Variants in CD109 observed in about 807,000 individuals in gnomAD.
CD109 encodes the protein CD109 antigen.
Under a neutral mutation model 165.8 loss-of-function variants are expected in CD109, and 149 were observed. That is an observed-to-expected ratio of 0.90 (90% CI 0.79 to 1.03). The LOEUF is 1.03. Ranked by LOEUF, CD109 falls within the 50% of genes least tolerant of loss-of-function variation. CD109 has a pLI of 0.00. For missense variants in CD109, 1,712 were observed against 1,677.8 expected, an observed-to-expected ratio of 1.02 and a Z score of -0.36; for synonymous variants, 585 against 592.1, an observed-to-expected ratio of 0.99 and a Z score of 0.18.
At chr6:73,699,698 C>T (rs934687447) in intron 2 of CD109, among the ~76,000 whole-genome samples, 2 of 152,186 alleles carry the variant, frequency 1.3e-5, no homozygotes, top group African/African-American at 4.8e-5. Context: ...CAAAGCTGTC[C>T]TGGGAGCAGA....
chr6:73,806,475 A>G (rs1003414810), intron 24 of CD109, among the ~76,000 whole-genome samples: 3 of 152,226 alleles, frequency 2.0e-5, no homozygotes, highest in Non-Finnish European at 2.9e-5. Context: ...ACAAACCTGC[A>G]CGTTGTGCAC....
intron 10 of CD109, 91 bp from the exon 11 acceptor site, chr6:73,765,839 G>A: frequency 1.1e-6 from 1 of 935,992 alleles, no homozygotes. Flanking sequence ...ATTTTTGAGA[G>A]TTCAATTTCA....
chr6:73,765,865 C>T (rs1207050451), intron 10 of CD109, 65 bp from the exon 11 acceptor site: 41 of 1,165,862 alleles, frequency 3.5e-5, no homozygotes, highest in South Asian at 1.5e-4. Flanking sequence ...ATACTACAGA[C>T]GGAAACTGTA....
chr6:73,715,129 G>A lies in CD109; in HGVS notation c.248-8122G>A, dbSNP rs1336643942. 2.6e-5 allele frequency among the ~76,000 whole-genome samples: 4 copies of A among 152,126 alleles called. No individual in the cohort carries two copies. The East Asian group carries it at 7.7e-4, about 29-fold the overall frequency. ...CAAAAAATTAGCCAGCTGTGATGGT[G>A]CTTGCCTGTAGTCCCAGCTACATGG... is the stretch of plus-strand genomic sequence containing the variant. On this transcript the variant is annotated intron_variant, in intron 2 of 32. Coordinates refer to ENST00000287097, the MANE Select transcript of CD109 (RefSeq NM_133493.5).
At chr6:73,723,313 A>G in intron 3 of CD109, 34 bp downstream of exon 3, 1 of 1,474,004 alleles carries the variant, frequency 6.8e-7, no homozygotes, top group Non-Finnish European at 9.5e-7. Context: ...GGTTTCAGAA[A>G]TATATTGTAT....
chr6:73,725,504 C>CTTCTTTT (rs747396382), intron 3 of CD109, among the ~76,000 whole-genome samples: 3 of 89,428 alleles, frequency 3.4e-5, no homozygotes, highest in Admixed American at 1.3e-4. Flanking sequence ...TACTACACTT[C>CTTCTTTT]TTTTTTTTTT....
chr6:73,744,316 G>A (rs896218829), intron 5 of CD109, among the ~76,000 whole-genome samples: 15 of 152,202 alleles, frequency 9.9e-5, no homozygotes, highest in African/African-American at 3.6e-4. Flanking sequence ...GAAAGAATGA[G>A]TGAATAGAGC....
chr6:73,763,464 GC>G, intron 9 of CD109, 111 bp from the exon 10 acceptor site: 4 of 584,460 alleles, frequency 6.8e-6, no homozygotes, highest in Non-Finnish European at 1.2e-5. Context: ...AGGCTTATGT[GC>G]CCTGATATTT....
intron 3 of CD109, among the ~76,000 whole-genome samples, chr6:73,724,769 G>A (rs1412251354): frequency 6.6e-6 from 1 of 151,742 alleles, no homozygotes; most frequent in African/African-American, 2.4e-5. Flanking sequence ...ATGCCTGGCT[G>A]ATTTTTTATT....
intron 30 of CD109, among the ~76,000 whole-genome samples, chr6:73,816,374 T>G (rs1775936944): frequency 6.6e-6 from 1 of 152,162 alleles, no homozygotes; most frequent in African/African-American, 2.4e-5. Context: ...TACAAACTTA[T>G]ATGCCAGGCA....
chr6:73,781,835 A>ACACACACACACACACACACACTCAC (rs150665697), intron 17 of CD109, among the ~76,000 whole-genome samples: 2 of 144,422 alleles, frequency 1.4e-5, no homozygotes, highest in African/African-American at 5.3e-5. Context: ...ACACACACAC[A>ACACACACACACACACACACACTCAC]CCCCTCATCA....
chr6:73,728,488 G>A (rs1338734137), intron 3 of CD109, among the ~76,000 whole-genome samples: 1 of 152,090 alleles, frequency 6.6e-6, no homozygotes, highest in East Asian at 1.9e-4. Context: ...GCCACTTAGG[G>A]TCTACCATTA....
intron 2 of CD109, among the ~76,000 whole-genome samples, chr6:73,711,434 G>A (rs1771533751): frequency 6.6e-6 from 1 of 151,820 alleles, no homozygotes; most frequent in Non-Finnish European, 1.5e-5. Context: ...CAGAATACTT[G>A]TGTTTTCTGT....
chr6:73,798,714 G>A lies in CD109; in HGVS notation c.2879-4506G>A, dbSNP rs571020206. Among the ~76,000 whole-genome samples the A allele has an allele frequency of 1.1e-4, 16 of 152,244 alleles. No homozygotes were observed. In the South Asian group the frequency reaches 1.7e-3, roughly 16 times the overall value. On this transcript the variant is annotated intron_variant, in intron 23 of 32. Coordinates refer to ENST00000287097, the MANE Select transcript of CD109 (RefSeq NM_133493.5). ...TGGCTGCCTCTAGTGGAAGAATGGT[G>A]CTAGTTGTTGATATTAATGGGGAAT...
At chr6:73,709,633 A>C (rs955543966) in intron 2 of CD109, among the ~76,000 whole-genome samples, 2 of 152,196 alleles carry the variant, frequency 1.3e-5, no homozygotes, top group African/African-American at 4.8e-5. Flanking sequence ...GCAGAGACAC[A>C]ACAAAAAAAG....
rs138126749 is a variant in CD109 at position 73,748,480 on chromosome 6, G to T, written c.634-8163G>T. 3.7e-4 allele frequency among the ~76,000 whole-genome samples: 56 copies of T among 152,204 alleles called. 1 individual carries two copies. In the East Asian group the frequency reaches 9.5e-3, roughly 26 times the overall value. ...TAATTCACAGCTTTTATCATAATTT[G>T]TAATACATACTCACATATGTGGTTA... On this transcript the variant is annotated intron_variant, in intron 5 of 32. Coordinates refer to ENST00000287097, the MANE Select transcript of CD109 (RefSeq NM_133493.5).
chr6:73,746,687 T>G (rs1269739070), intron 5 of CD109, among the ~76,000 whole-genome samples: 2 of 152,170 alleles, frequency 1.3e-5, no homozygotes, highest in Non-Finnish European at 2.9e-5. Flanking sequence ...AGTATGAATG[T>G]GCTTGTGATC....
At chr6:73,727,819 A>G (rs1282201669) in intron 3 of CD109, among the ~76,000 whole-genome samples, 1 of 152,218 alleles carries the variant, frequency 6.6e-6, no homozygotes, top group Non-Finnish European at 1.5e-5. Context: ...ATAAGCATAT[A>G]ATATTCTGGT....
chr6:73,714,608 G>A (rs1229283656), intron 2 of CD109, among the ~76,000 whole-genome samples: 2 of 152,196 alleles, frequency 1.3e-5, no homozygotes, highest in Non-Finnish European at 2.9e-5. Context: ...TCAGATCTTG[G>A]AATCAACTTC....
Sources: gnomAD v4.1 joint callset for allele counts (sites outside exome capture counted in the v4.1 genomes callset) on GRCh38, gnomAD v4.1.1 for gene constraint, MANE v1.5 for transcripts, NCBI Gene and HGNC (gene_info 2026-07-23, HGNC 2026-07-21) for gene names.